The following DCC variants were observed in gnomAD, a reference collection of about 807,000 sequenced individuals.
The protein encoded by DCC is DCC netrin 1 receptor.
DCC carries 58 observed loss-of-function variants against 172.5 expected under a neutral mutation model. That is an observed-to-expected ratio of 0.34 (90% CI 0.27 to 0.42). The LOEUF (loss-of-function observed/expected upper bound fraction) is 0.42. DCC is among the 10% of genes least tolerant of loss of function. The pLI, the probability that DCC is intolerant of heterozygous loss-of-function variation, is 1.00. For missense variants in DCC, 1,740 were observed against 1,791.0 expected, an observed-to-expected ratio of 0.97 and a Z score of 0.51; for synonymous variants, 709 against 644.5, an observed-to-expected ratio of 1.10 and a Z score of -1.52.
intron 8 of DCC, among the ~76,000 whole-genome samples, chr18:53,170,938 T>G (rs2055004918): frequency 6.6e-6 from 1 of 152,050 alleles, no homozygotes; most frequent in African/African-American, 2.4e-5. Flanking sequence ...CAAGCTGGAG[T>G]GTAATGGCAT....
intron 2 of DCC, among the ~76,000 whole-genome samples, chr18:52,852,112 C>T (rs1032256570): frequency 6.6e-6 from 1 of 151,962 alleles, no homozygotes; most frequent in Non-Finnish European, 1.5e-5. Flanking sequence ...ATCTAAAAGG[C>T]TGAATTATAA....
chr18:52,937,827 A>T (rs970635528), intron 5 of DCC, among the ~76,000 whole-genome samples: 1 of 142,322 alleles, frequency 7.0e-6, no homozygotes, highest in Non-Finnish European at 1.6e-5. Flanking sequence ...TCCTTCTGCC[A>T]CTTGTGACTT....
chr18:53,425,879 T>G (rs1218716835), intron 21 of DCC, among the ~76,000 whole-genome samples: 12 of 152,158 alleles, frequency 7.9e-5, no homozygotes, highest in Admixed American at 7.9e-4. Flanking sequence ...TCCATTTAGT[T>G]CCACAGTCAT....
intron 1 of DCC, among the ~76,000 whole-genome samples, chr18:52,555,426 G>A (rs182652812): frequency 2.6e-5 from 4 of 152,172 alleles, no homozygotes; most frequent in African/African-American, 9.6e-5. Flanking sequence ...GTCAGTCGAT[G>A]TTTCCTAATT....
chr18:53,259,365 T>G (rs1248474980), intron 12 of DCC, among the ~76,000 whole-genome samples: 2 of 152,212 alleles, frequency 1.3e-5, no homozygotes, highest in African/African-American at 4.8e-5. Flanking sequence ...TTCCTTTCCA[T>G]GTTTAGTGCT....
intron 5 of DCC, among the ~76,000 whole-genome samples, chr18:53,001,627 C>T (rs1405106245): frequency 6.6e-6 from 1 of 152,100 alleles, no homozygotes; most frequent in Non-Finnish European, 1.5e-5. Flanking sequence ...TTACCTTAAA[C>T]TGATAAATTT....
At chr18:52,901,453 A>AAATG (rs747902499) in intron 2 of DCC, among the ~76,000 whole-genome samples, 3 of 152,260 alleles carry the variant, frequency 2.0e-5, no homozygotes, top group Non-Finnish European at 4.4e-5. Context: ...ATAAATAAAT[A>AAATG]AATAAAAATA....
chr18:52,728,925 G>T (rs952576506), intron 1 of DCC, among the ~76,000 whole-genome samples: 1 of 152,148 alleles, frequency 6.6e-6, no homozygotes, highest in African/African-American at 2.4e-5. Flanking sequence ...TGTCTGTTTG[G>T]AGAAGTGATT....
rs137965248 is a variant in DCC at position 52,825,657 on chromosome 18, G to A, written c.412+73283G>A. On this transcript the variant is annotated intron_variant, in intron 2 of 28. Coordinates refer to ENST00000442544, the MANE Select transcript of DCC (RefSeq NM_005215.4). ...TTCAACAACTACACTTCAGACTAAT[G>A]GAAAATATGATCATAATTGTTTTGG... 3.5e-3 allele frequency among the ~76,000 whole-genome samples: 527 copies of A among 151,138 alleles called. 1 individual carries two copies. The highest frequency in any genetic ancestry group is 5.8e-3 in the Non-Finnish European group (395 of 67,908).
At chr18:52,378,620 C>G (rs1301512731) in intron 1 of DCC, among the ~76,000 whole-genome samples, 1 of 152,136 alleles carries the variant, frequency 6.6e-6, no homozygotes, top group Non-Finnish European at 1.5e-5. Flanking sequence ...AGTCATGGCT[C>G]ACTGCAACCT....
chr18:53,413,048 A>G (rs1003004780), intron 20 of DCC, among the ~76,000 whole-genome samples: 1 of 152,158 alleles, frequency 6.6e-6, no homozygotes, highest in South Asian at 2.1e-4. Flanking sequence ...AACTATTGGA[A>G]GACTTATGTC....
intron 27 of DCC, among the ~76,000 whole-genome samples, chr18:53,506,188 G>A (rs550780890): frequency 5.0e-4 from 76 of 152,224 alleles, no homozygotes; most frequent in African/African-American, 1.6e-3. Flanking sequence ...GTGGACACTC[G>A]AATGTTGGTT....
intron 13 of DCC, among the ~76,000 whole-genome samples, chr18:53,311,651 T>G (rs1377568932): frequency 6.6e-6 from 1 of 152,236 alleles, no homozygotes; most frequent in Non-Finnish European, 1.5e-5. Context: ...GTTTAACATT[T>G]ACAACAATAA....
chr18:52,633,029 A>C (rs1381631344), intron 1 of DCC, among the ~76,000 whole-genome samples: 1 of 152,234 alleles, frequency 6.6e-6, no homozygotes, highest in African/African-American at 2.4e-5. Context: ...CAGTAAAAAT[A>C]AATAAATAAA....
chr18:52,750,314 T>G (rs953434963), intron 1 of DCC, among the ~76,000 whole-genome samples: 1 of 152,196 alleles, frequency 6.6e-6, no homozygotes, highest in African/African-American at 2.4e-5. Flanking sequence ...AGACAGCCAA[T>G]TCAATGTACT....
At chr18:52,591,789 T>A (rs1331995672) in intron 1 of DCC, among the ~76,000 whole-genome samples, 2 of 141,762 alleles carry the variant, frequency 1.4e-5, no homozygotes, top group African/African-American at 5.4e-5. Context: ...ATTTATTTCT[T>A]TTTTTTTTTT....
chr18:52,750,514 G>C (rs1453397774), intron 1 of DCC, among the ~76,000 whole-genome samples: 1 of 152,196 alleles, frequency 6.6e-6, no homozygotes, highest in Non-Finnish European at 1.5e-5. Context: ...CAAAGTTCCA[G>C]ATGCTTTCTG....
intron 2 of DCC, among the ~76,000 whole-genome samples, chr18:52,883,157 G>A (rs56041455): frequency 0.26 from 39,981 of 151,726 alleles, 5,468 homozygotes; most frequent in Admixed American, 0.33. Context: ...CAGGTGAGAT[G>A]TGGTTCTTGT....
intron 1 of DCC, among the ~76,000 whole-genome samples, chr18:52,371,217 T>A (rs1420818970): frequency 2.0e-5 from 3 of 152,214 alleles, no homozygotes; most frequent in Non-Finnish European, 4.4e-5. Context: ...TTATGTATTT[T>A]TATATTTCCA....
Sources: gnomAD v4.1 joint callset for allele counts (sites outside exome capture counted in the v4.1 genomes callset) on GRCh38, gnomAD v4.1.1 for gene constraint, MANE v1.5 for transcripts, NCBI Gene and HGNC (gene_info 2026-07-23, HGNC 2026-07-21) for gene names.